CCDC142: variants seen among roughly 807,000 people sequenced by gnomAD.
CCDC142 encodes the protein coiled-coil domain-containing protein 142.
Under a neutral mutation model 83.8 loss-of-function variants are expected in CCDC142, and 67 were observed. That is an observed-to-expected ratio of 0.80 (90% CI 0.66 to 0.98). The LOEUF (loss-of-function observed/expected upper bound fraction) is 0.98. Ranked by LOEUF, CCDC142 falls within the 50% of genes least tolerant of loss-of-function variation. The probability of loss-of-function intolerance (pLI) is 0.00; values close to 1 mark genes in which losing one functional copy is unlikely to be tolerated. For missense variants in CCDC142, 905 were observed against 946.8 expected (o/e 0.96, Z 0.58); for synonymous variants, 421 against 421.2 (o/e 1.00, Z 0.01).
At position 74,481,846 on chromosome 2, in the gene CCDC142, GCTGTTGCC is replaced by G. The variant is rs773733380; in HGVS notation, c.984_991del (p.Arg328SerfsTer18). Reference sequence around the variant, plus strand: ...ACCCAGTGCCTGACTCAGCTGTTGCGCTGTTGCCCTGGGGTCCCTCCAGGGTCCCAGAT... The same window carrying G: ...ACCCAGTGCCTGACTCAGCTGTTGCGCTGGGGTCCCTCCAGGGTCCCAGAT... On this transcript the variant is annotated frameshift_variant, in exon 1 of 9. Transcript: ENST00000393965. LOFTEE classifies it high-confidence loss of function. 6.2e-7 allele frequency: 1 copy of G among 1,613,424 alleles called. No homozygotes were observed. The highest frequency in any genetic ancestry group is 1.3e-5 in the African/African-American group (1 of 74,898).
Position 74,480,961 on chromosome 2 carries a change from A to G in CCDC142, c.1384T>C (p.Leu462=). The G allele has an allele frequency of 6.2e-7, 1 of 1,613,924 alleles. No individual in the cohort carries two copies. Among genetic ancestry groups the G allele is most frequent in the Admixed American group, 1.7e-5 (1 of 60,016 alleles). The change falls in exon 4 of 9, where the codon TTA becomes CTA. Residue 462 remains leucine, a synonymous_variant. Coordinates refer to ENST00000393965, the MANE Select transcript of CCDC142 (RefSeq NM_001365575.2). The stretch of plus-strand genomic sequence containing the variant: ...CCTACTCCCCAGCCACTCACAGGTA[A>G]GTCCTTTTGGATCAGGAGCAGGAAG... ...ASFLLLIQKD[L]PPLLHEAEAL...
Position 74,481,304 on chromosome 2 carries a change from C to A in CCDC142, c.1177G>T (p.Glu393Ter). 6.2e-7 allele frequency: 1 copy of A among 1,614,124 alleles called. No homozygotes were observed. The highest frequency in any genetic ancestry group is 8.5e-7 in the Non-Finnish European group (1 of 1,180,024). Residue 393 changes from glutamate (E) to a stop codon, truncating the protein, a stop_gained, in exon 3 of 9, where the codon GAA (glutamate) becomes TAA (stop). Transcript: ENST00000393965. LOFTEE classifies it high-confidence loss of function. ...GGAGGAAAGAGCTGCTGCAAAAGTT[C>A]AGCAGTGCCAGAGGATGTGGGAAGG... is the stretch of plus-strand genomic sequence containing the variant. ...SSLPTSSGTA[E>*]LLQQLFPPLL...
rs540175565 is a variant in CCDC142 at position 74,480,427 on chromosome 2, A to T, written c.1503+342T>A. Among the ~76,000 whole-genome samples the T allele has an allele frequency of 3.9e-5, 6 of 152,028 alleles. No homozygotes were observed. The South Asian group carries it at 1.0e-3, about 26-fold the overall frequency. On this transcript the variant is annotated intron_variant, in intron 5 of 8. Coordinates refer to ENST00000393965, the MANE Select transcript of CCDC142 (RefSeq NM_001365575.2). Reference sequence around the variant, plus strand: ...AACATGGTGAAACCCTGTCTCTACTAAAAAAATTCAAAAGTTAGACACGTG... The same window carrying T: ...AACATGGTGAAACCCTGTCTCTACTTAAAAAATTCAAAAGTTAGACACGTG...
In CCDC142 at chr2:74,481,458, C is replaced by G; in HGVS notation, c.1102G>C (p.Asp368His). The change falls in exon 2 of 9, where the codon GAC becomes CAC. Residue 368 changes from aspartate to histidine, a missense_variant. Physicochemically the swap from Asp to His is moderately conservative, Grantham distance 81 (BLOSUM62 -1). This residue lies in a region of CCDC142 where 591 missense variants were observed against 571.4 expected (regional missense o/e 1.03). Transcript: ENST00000393965. ...LLHQSLIWSW[D>H]QGFCQALGSA... ...AGTGCCCCTTCCTTCTCACCTTGGT[C>G]CCAGCTCCAGATAAGCGACTGATGA... 6.2e-7 allele frequency: 1 copy of G among 1,614,066 alleles called. No homozygotes were observed. The highest frequency in any genetic ancestry group is 1.3e-5 in the African/African-American group (1 of 75,016).
At position 74,482,749 on chromosome 2, in the gene CCDC142, T is replaced by A; in HGVS notation, c.89A>T (p.Gln30Leu). 2 of 1,602,340 alleles carry A rather than the reference T, an allele frequency of 1.2e-6. No individual in the cohort carries two copies. The highest frequency in any genetic ancestry group is 2.2e-5 in the South Asian group (2 of 91,090). The change falls in exon 1 of 9, where the codon CAG (glutamine) becomes CTG (leucine). Residue 30 changes from glutamine to leucine, a missense_variant. Physicochemically the swap from Gln to Leu is moderately radical, Grantham distance 113 (BLOSUM62 -2). Coordinates refer to ENST00000393965, the MANE Select transcript of CCDC142 (RefSeq NM_001365575.2). The surrounding 1 kb of genome is among the most constrained non-coding windows in gnomAD (Gnocchi z 5.0). ...RAQPGGTGEE[Q>L]WERSRTGGLR... ...ACCGCCCGTTCGACTTCTCTCCCACTGCTCCTCCCCAGTGCCCCCGGGTTG... is the reference window on the plus strand; with the variant it reads ...ACCGCCCGTTCGACTTCTCTCCCACAGCTCCTCCCCAGTGCCCCCGGGTTG...
rs755165711 is a variant in CCDC142, at chr2:74,482,614, C to T, written c.224G>A (p.Arg75Lys). Residue 75 changes from arginine to lysine, a missense_variant, in exon 1 of 9, where the codon AGG (arginine) becomes AAG (lysine). Arg to Lys is a conservative substitution (Grantham distance 26). Coordinates refer to ENST00000393965, the MANE Select transcript of CCDC142 (RefSeq NM_001365575.2). The surrounding 1 kb of genome is among the most constrained non-coding windows in gnomAD (Gnocchi z 5.0). ...EDYEADAAAWRRGPAGGGPIP... is the reference protein window; with the variant it reads ...EDYEADAAAWKRGPAGGGPIP... ...CGGGCCGCCACCTGCGGGCCCCCGCCTCCAGGCCGCAGCATCAGCCTCGTA... is the reference window on the plus strand; with the variant it reads ...CGGGCCGCCACCTGCGGGCCCCCGCTTCCAGGCCGCAGCATCAGCCTCGTA... 5 of 1,608,694 alleles carry T rather than the reference C, an allele frequency of 3.1e-6. No homozygotes were observed. The South Asian group carries it at 3.3e-5, about 11-fold the overall frequency.
intron 5 of CCDC142, 88 bp from the exon 6 acceptor site, chr2:74,475,814 A>G (rs1672311988): frequency 2.5e-5 from 20 of 790,270 alleles, no homozygotes; most frequent in Middle Eastern, 2.3e-4. Context: ...CTTGACATCC[A>G]TAAAACCCCA....
At chr2:74,477,228 C>T (rs1400251864) in intron 5 of CCDC142, among the ~76,000 whole-genome samples, 2 of 152,108 alleles carry the variant, frequency 1.3e-5, no homozygotes, top group African/African-American at 2.4e-5. Context: ...AACCGATTCT[C>T]ATGCCTCAGC....
chr2:74,482,024 C>T lies in CCDC142; in HGVS notation c.814G>A (p.Gly272Arg), dbSNP rs1672495927. Reference sequence around the variant, plus strand: ...CCCAGCAGCCCTGGTAGCAGATCCCCCTCCTCTTGGCACCGCCTGCGGAGC... The same window carrying T: ...CCCAGCAGCCCTGGTAGCAGATCCCTCTCCTCTTGGCACCGCCTGCGGAGC... ...DQLRRRCQEEGDLLPGLLGLV... is the reference protein window; with the variant it reads ...DQLRRRCQEERDLLPGLLGLV... Residue 272 changes from glycine (G) to arginine (R), a missense_variant, in exon 1 of 9, where the codon GGG (glycine) becomes AGG (arginine). Gly to Arg is a moderately radical substitution (Grantham distance 125, BLOSUM62 -2). Coordinates refer to ENST00000393965, the MANE Select transcript of CCDC142 (RefSeq NM_001365575.2). The surrounding 1 kb of genome is among the most constrained non-coding windows in gnomAD (Gnocchi z 5.0). The T allele has an allele frequency of 3.7e-6, 6 of 1,613,792 alleles. No homozygotes were observed. The highest frequency in any genetic ancestry group is 5.1e-6 in the Non-Finnish European group (6 of 1,180,004).
Position 74,474,635 on chromosome 2 carries a change from G to A in CCDC142, c.2164C>T (p.Gln722Ter). 2 of 1,614,240 alleles carry A rather than the reference G, an allele frequency of 1.2e-6. No individual in the cohort carries two copies. Among genetic ancestry groups the A allele is most frequent in the East Asian group, 2.2e-5 (1 of 44,878 alleles). ...TGCCTGAGGGCAAGCCAGGCCTGCT[G>A]ATTTCCCACCAGGTAGCCCTCCGGG... ...PSPEGYLVGNQQAWLALRQHQ... is the reference protein window; with the variant it reads ...PSPEGYLVGN Residue 722 changes from glutamine to a stop codon, truncating the protein, a stop_gained, in exon 9 of 9, where the codon CAG (glutamine) becomes TAG (stop). Transcript: ENST00000393965. LOFTEE classifies it high-confidence loss of function.
rs375259684 is a variant in CCDC142, at chr2:74,482,655, C to T, written c.183G>A (p.Ala61=). 1.9e-6 allele frequency: 3 copies of T among 1,611,450 alleles called. No individual in the cohort carries two copies. The highest frequency in any genetic ancestry group is 2.7e-5 in the African/African-American group (2 of 74,944). ...CAGCCTCGTAGTCCTCGCTCACATC[C>T]GCCGGCGTCGGCCACCACGGCGTCC... ...SGGTPWWPTP[A]DVSEDYEADA... Residue 61 remains alanine, a synonymous_variant, in exon 1 of 9, where the codon GCG becomes GCA. Transcript: ENST00000393965. This position sits in a 1 kb window ranked among gnomAD's most constrained non-coding sequence, Gnocchi z 5.0.
At chr2:74,479,782 T>C (rs2104015854) in intron 5 of CCDC142, among the ~76,000 whole-genome samples, 1 of 152,188 alleles carries the variant, frequency 6.6e-6, no homozygotes, top group Middle Eastern at 3.4e-3. Flanking sequence ...TTTGGAGAGA[T>C]GGGAGTCTGT....
chr2:74,480,711 G>T, intron 5 of CCDC142, 58 bp downstream of exon 5: 1 of 1,225,354 alleles, frequency 8.2e-7, no homozygotes, highest in Non-Finnish European at 1.2e-6. Flanking sequence ...TCCCACCCCC[G>T]ATACTTGGCA....
rs567023905 is a variant in CCDC142 at position 74,473,475 on chromosome 2, C to T, written c.*1071G>A. 6.6e-6 allele frequency among the ~76,000 whole-genome samples: 1 copy of T among 152,242 alleles called. No individual in the cohort carries two copies. Among genetic ancestry groups the T allele is most frequent in the African/African-American group, 2.4e-5 (1 of 41,528 alleles). ...AGCTGGGACTACAGGCGCGTGCCAC[C>T]ACGCCCGGCTAATTTTTTGTATTTT... is the stretch of plus-strand genomic sequence containing the variant. On this transcript the variant is annotated 3_prime_UTR_variant, in exon 9 of 9. Transcript: ENST00000393965.
intron 5 of CCDC142, 47 bp downstream of exon 5, chr2:74,480,722 C>T: frequency 7.3e-7 from 1 of 1,369,382 alleles, no homozygotes; most frequent in East Asian, 2.3e-5. Flanking sequence ...ATACTTGGCA[C>T]AGAACATAGG....
chr2:74,482,748 C>T lies in CCDC142; in HGVS notation c.90G>A (p.Gln30=). The T allele has an allele frequency of 1.2e-6, 2 of 1,602,374 alleles. No individual in the cohort carries two copies. Among genetic ancestry groups the T allele is most frequent in the Non-Finnish European group, 8.5e-7 (1 of 1,179,972 alleles). Residue 30 remains glutamine (Q), a synonymous_variant, in exon 1 of 9, where the codon CAG becomes CAA. Coordinates refer to ENST00000393965, the MANE Select transcript of CCDC142 (RefSeq NM_001365575.2). This position sits in a 1 kb window ranked among gnomAD's most constrained non-coding sequence, Gnocchi z 5.0. Reference sequence around the variant, plus strand: ...GACCGCCCGTTCGACTTCTCTCCCACTGCTCCTCCCCAGTGCCCCCGGGTT... The same window carrying T: ...GACCGCCCGTTCGACTTCTCTCCCATTGCTCCTCCCCAGTGCCCCCGGGTT... The part of the protein sequence containing the change: ...RAQPGGTGEE[Q]WERSRTGGLR...
intron 5 of CCDC142, 82 bp from the exon 6 acceptor site, chr2:74,475,808 A>G: frequency 2.4e-6 from 2 of 843,778 alleles, no homozygotes; most frequent in South Asian, 3.3e-5. Context: ...GTCCAACTTG[A>G]CATCCATAAA....
rs760668508 is a variant in CCDC142 at position 74,482,830 on chromosome 2, T to G, written c.8A>C (p.Gln3Pro). Residue 3 changes from glutamine to proline, a missense_variant, in exon 1 of 9, where the codon CAG becomes CCG. Physicochemically the swap from Gln to Pro is moderately conservative, Grantham distance 76. This residue lies in a region of CCDC142 where 591 missense variants were observed against 571.4 expected (regional missense o/e 1.03). Transcript: ENST00000393965. The surrounding 1 kb of genome is among the most constrained non-coding windows in gnomAD (Gnocchi z 5.0). ...AGGCAGGCTACCTGAGCGAGACGCCTGGGCCATGGGGCGGCGGGTCCAGAA... is the reference window on the plus strand; with the variant it reads ...AGGCAGGCTACCTGAGCGAGACGCCGGGGCCATGGGGCGGCGGGTCCAGAA... MAQASRSGSLPPL... is the reference protein window; with the variant it reads MAPASRSGSLPPL... 6.3e-7 allele frequency: 1 copy of G among 1,598,628 alleles called. No individual in the cohort carries two copies. Among genetic ancestry groups the G allele is most frequent in the Admixed American group, 1.7e-5 (1 of 59,958 alleles).
At position 74,482,506 on chromosome 2, in the gene CCDC142, C is replaced by T. The variant is rs1338983994; in HGVS notation, c.332G>A (p.Cys111Tyr). Residue 111 changes from cysteine to tyrosine, a missense_variant, in exon 1 of 9, where the codon TGC (cysteine) becomes TAC (tyrosine). Coordinates refer to ENST00000393965, the MANE Select transcript of CCDC142 (RefSeq NM_001365575.2). The surrounding 1 kb of genome is among the most constrained non-coding windows in gnomAD (Gnocchi z 5.0). Reference sequence around the variant, plus strand: ...CACAGCCGACTGTAGGTGGTAGGCGCAGTCTCGGGCCTGGAGGAGCTGCTC... The same window carrying T: ...CACAGCCGACTGTAGGTGGTAGGCGTAGTCTCGGGCCTGGAGGAGCTGCTC... ...EREQLLQARD[C>Y]AYHLQSAVRL... 1 of 1,565,168 alleles carries T rather than the reference C, an allele frequency of 6.4e-7. No individual in the cohort carries two copies. The highest frequency in any genetic ancestry group is 1.9e-5 in the Admixed American group (1 of 52,482).
Sources: gnomAD v4.1 joint callset for allele counts (sites outside exome capture counted in the v4.1 genomes callset) on GRCh38, gnomAD v4.1.1 for gene constraint, gnomAD v4.1.1 regional missense constraint, Gnocchi (gnomAD v3.1) non-coding constraint, MANE v1.5 for transcripts, NCBI Gene and HGNC (gene_info 2026-07-23, HGNC 2026-07-21) for gene names.